ZBTB5: variants seen among roughly 807,000 people sequenced by gnomAD.
ZBTB5 encodes zinc finger and BTB domain containing 5.
Under a neutral mutation model 37.9 loss-of-function variants are expected in ZBTB5, and 15 were observed. The ratio of observed to expected loss-of-function variants is 0.40; its 90% confidence interval spans 0.26 to 0.61. The LOEUF (loss-of-function observed/expected upper bound fraction) is 0.61. ZBTB5 is among the 20% of genes least tolerant of loss of function. ZBTB5 has a pLI of 0.47. For synonymous variants in ZBTB5, 315 were observed against 312.4 expected (o/e 1.01, Z -0.09); for missense variants, 708 against 856.8 (o/e 0.83, Z 2.17).
At chr9:37,463,809 G>A (rs1017585877) in intron 1 of ZBTB5, among the ~76,000 whole-genome samples, 6 of 152,050 alleles carry the variant, frequency 3.9e-5, no homozygotes, top group African/African-American at 9.7e-5. Flanking sequence ...CAACTTTTAG[G>A]GAAAAGGGGC....
chr9:37,463,672 C>T (rs1363766054), intron 1 of ZBTB5, among the ~76,000 whole-genome samples: 2 of 152,182 alleles, frequency 1.3e-5, no homozygotes, highest in African/African-American at 4.8e-5. Context: ...TGAGAGCGTT[C>T]GCTCCTAAGT....
chr9:37,448,579 G>A (rs1291319520), intron 1 of ZBTB5, among the ~76,000 whole-genome samples: 2 of 152,122 alleles, frequency 1.3e-5, no homozygotes, highest in Admixed American at 6.5e-5. Flanking sequence ...CCAAACAACA[G>A]AAGGCCAGAT....
chr9:37,447,872 G>A (rs891878359), intron 1 of ZBTB5, among the ~76,000 whole-genome samples: 3 of 151,474 alleles, frequency 2.0e-5, no homozygotes, highest in African/African-American at 4.9e-5. Context: ...TAAAAATTAC[G>A]GGGCTGGGCA....
In ZBTB5 at chr9:37,464,617, G is replaced by A. The variant is rs77120479; in HGVS notation, c.-5+598C>T. 2.0e-5 allele frequency among the ~76,000 whole-genome samples: 3 copies of A among 152,190 alleles called. No homozygotes were observed. The East Asian group carries it at 5.8e-4, about 29-fold the overall frequency. On this transcript the variant is annotated intron_variant, in intron 1 of 1. Transcript: ENST00000307750. ...TCCTCCAAACAGGAGAAGATGGGAC[G>A]GCAGTGTCTTACCACCGCATCCCCC...
rs1823861212 is a variant in ZBTB5, at chr9:37,441,026, G to A, written c.1526C>T (p.Ser509Phe). The A allele has an allele frequency of 3.1e-6, 5 of 1,614,060 alleles. No homozygotes were observed. The highest frequency in any genetic ancestry group is 3.4e-6 in the Non-Finnish European group (4 of 1,180,032). Reference sequence around the variant, plus strand: ...GAAGGAGGAGTGGAGGCCCAAACCAGACCTGGAAAAGTCCATCCCAAACTG... The same window carrying A: ...GAAGGAGGAGTGGAGGCCCAAACCAAACCTGGAAAAGTCCATCCCAAACTG... ...GEQFGMDFSRSGLGLHSSFSR... is the reference protein window; with the variant it reads ...GEQFGMDFSRFGLGLHSSFSR... The change falls in exon 2 of 2, where the codon TCT (serine) becomes TTT (phenylalanine). Residue 509 changes from serine (S) to phenylalanine (F), a missense_variant. By Grantham distance (155) the Ser-to-Phe change is radical (BLOSUM62 -2). Around this residue, in one of 3 missense-constraint regions of ZBTB5, gnomAD observed 639 missense variants for 690.5 expected, o/e 0.93. Transcript: ENST00000307750.
At chr9:37,449,160 G>C (rs191862220) in intron 1 of ZBTB5, among the ~76,000 whole-genome samples, 1 of 152,292 alleles carries the variant, frequency 6.6e-6, no homozygotes, top group African/African-American at 2.4e-5. Flanking sequence ...CTAGGTGGGA[G>C]GATCAGTTGA....
At chr9:37,461,439 G>A (rs57623657) in intron 1 of ZBTB5, among the ~76,000 whole-genome samples, 3,316 of 152,204 alleles carry the variant, frequency 0.022, 120 homozygotes, top group African/African-American at 0.073. Flanking sequence ...TAAGAAAATG[G>A]CAATCAGCCA....
intron 1 of ZBTB5, among the ~76,000 whole-genome samples, chr9:37,448,397 A>G (rs1824034059): frequency 6.6e-6 from 1 of 152,230 alleles, no homozygotes; most frequent in African/African-American, 2.4e-5. Flanking sequence ...CAGACTATCC[A>G]AATGTGAAGG....
At position 37,451,295 on chromosome 9, in the gene ZBTB5, G is replaced by A. The variant is rs147838367; in HGVS notation, c.-4-8740C>T. On this transcript the variant is annotated intron_variant, in intron 1 of 1. Coordinates refer to ENST00000307750, the MANE Select transcript of ZBTB5 (RefSeq NM_014872.3). The stretch of plus-strand genomic sequence containing the variant: ...TAAATGATGTTCACTGGCTAGGCAC[G>A]GTGGCTCACGACTACAATCCCAGCA... Among the ~76,000 whole-genome samples, 732 of 152,262 alleles carry A rather than the reference G, an allele frequency of 4.8e-3. 5 individuals are homozygous for A. Among genetic ancestry groups the A allele is most frequent in the African/African-American group, 0.016 (680 of 41,548 alleles).
rs1457017367 is a variant in ZBTB5 at position 37,441,296 on chromosome 9, T to C, written c.1256A>G (p.Asn419Ser). ...ISNFLNKSRGNNFTANQNNDD... is the reference protein window; with the variant it reads ...ISNFLNKSRGSNFTANQNNDD... ...ATTGTTCTGATTTGCAGTAAAGTTATTTCCTCTGCTCTTGTTAAGAAAATT... is the reference window on the plus strand; with the variant it reads ...ATTGTTCTGATTTGCAGTAAAGTTACTTCCTCTGCTCTTGTTAAGAAAATT... Residue 419 changes from asparagine (N) to serine (S), a missense_variant, in exon 2 of 2, where the codon AAT (asparagine) becomes AGT (serine). Around this residue, in one of 3 missense-constraint regions of ZBTB5, gnomAD observed 639 missense variants for 690.5 expected, o/e 0.93. Transcript: ENST00000307750. 7.4e-6 allele frequency: 12 copies of C among 1,614,070 alleles called. No individual in the cohort carries two copies. Among genetic ancestry groups the C allele is most frequent in the African/African-American group, 1.3e-5 (1 of 74,926 alleles).
At position 37,440,109 on chromosome 9, in the gene ZBTB5, T is replaced by G. The variant is rs983690346; in HGVS notation, c.*409A>C. ...GCACCAAATCACCACTGGTTACACA[T>G]AAGTGCATTTTGCATCACTATACAG... is the stretch of plus-strand genomic sequence containing the variant. On this transcript the variant is annotated 3_prime_UTR_variant, in exon 2 of 2. Transcript: ENST00000307750. The G allele has an allele frequency of 2.7e-5, 5 of 187,416 alleles. No individual in the cohort carries two copies. Among genetic ancestry groups the G allele is most frequent in the Non-Finnish European group, 5.6e-5 (5 of 88,986 alleles). The allele number at this position is 187,416 out of a possible 1,614,324, so 11.6% of individuals were successfully genotyped here.
intron 1 of ZBTB5, among the ~76,000 whole-genome samples, chr9:37,460,377 A>G (rs1824268476): frequency 6.6e-6 from 1 of 151,912 alleles, no homozygotes; most frequent in African/African-American, 2.4e-5. Context: ...TGGAGGTTGC[A>G]GTGAGCCAAG....
intron 1 of ZBTB5, among the ~76,000 whole-genome samples, chr9:37,464,339 A>C (rs1378872243): frequency 6.6e-6 from 1 of 152,244 alleles, no homozygotes; most frequent in Non-Finnish European, 1.5e-5. Flanking sequence ...GAAGGTGAAG[A>C]GTTCCTTCTA....
chr9:37,451,846 G>T (rs1341469260), intron 1 of ZBTB5, among the ~76,000 whole-genome samples: 1 of 152,136 alleles, frequency 6.6e-6, no homozygotes, highest in African/African-American at 2.4e-5. Context: ...CCTGGGTGGG[G>T]AATACAGAAC....
At chr9:37,447,216 G>C (rs1824006188) in intron 1 of ZBTB5, among the ~76,000 whole-genome samples, 1 of 152,246 alleles carries the variant, frequency 6.6e-6, no homozygotes, top group African/African-American at 2.4e-5. Context: ...TGGCAGAAGA[G>C]TGTGAGTGTG....
In ZBTB5 at chr9:37,441,444, G is replaced by A. The variant is rs1823873416; in HGVS notation, c.1108C>T (p.Leu370Phe). 2 of 1,613,526 alleles carry A rather than the reference G, an allele frequency of 1.2e-6. No homozygotes were observed. Among genetic ancestry groups the A allele is most frequent in the Admixed American group, 1.7e-5 (1 of 59,932 alleles). Residue 370 changes from leucine to phenylalanine, a missense_variant, in exon 2 of 2, where the codon CTC becomes TTC. Around this residue, in one of 3 missense-constraint regions of ZBTB5, gnomAD observed 639 missense variants for 690.5 expected, o/e 0.93. Coordinates refer to ENST00000307750, the MANE Select transcript of ZBTB5 (RefSeq NM_014872.3). Reference sequence around the variant, plus strand: ...CTCCGATCACTGCTTTCAGGGCTGAGGTCTATCTTCTCGGCACTGACCACA... The same window carrying A: ...CTCCGATCACTGCTTTCAGGGCTGAAGTCTATCTTCTCGGCACTGACCACA... ...GVVVSAEKIDLSPESSDRSFS... is the reference protein window; with the variant it reads ...GVVVSAEKIDFSPESSDRSFS...
intron 1 of ZBTB5, among the ~76,000 whole-genome samples, chr9:37,457,799 A>T (rs1293932119): frequency 6.6e-6 from 1 of 152,226 alleles, no homozygotes; most frequent in African/African-American, 2.4e-5. Context: ...AGACAGAGGT[A>T]AAGGTGGAGA....
In ZBTB5 at chr9:37,441,801, C is replaced by G; in HGVS notation, c.751G>C (p.Asp251His). Residue 251 changes from aspartate to histidine, a missense_variant, in exon 2 of 2, where the codon GAT becomes CAT. Physicochemically the swap from Asp to His is moderately conservative, Grantham distance 81 (BLOSUM62 -1). Transcript: ENST00000307750. The part of the protein sequence containing the change: ...VDNPKADGMT[D>H]NQEDSAIMFD... ...ATGATCGCACTATCTTCCTGGTTAT[C>G]AGTCATTCCATCAGCTTTAGGATTA... is the stretch of plus-strand genomic sequence containing the variant. 2 of 1,614,140 alleles carry G rather than the reference C, an allele frequency of 1.2e-6. No homozygotes were observed. Among genetic ancestry groups the G allele is most frequent in the Admixed American group, 1.7e-5 (1 of 60,022 alleles).
rs143170581 is a variant in ZBTB5, at chr9:37,447,505, C to T, written c.-4-4950G>A. 4.8e-3 allele frequency among the ~76,000 whole-genome samples: 732 copies of T among 152,136 alleles called. 5 individuals are homozygous for T. Among genetic ancestry groups the T allele is most frequent in the African/African-American group, 0.017 (685 of 41,484 alleles). On this transcript the variant is annotated intron_variant, in intron 1 of 1. Transcript: ENST00000307750. ...TTGAGACAGGGTTTCACCCTGTTGC[C>T]CAGGCTAGAGTACAGTGGCATGATC... is the stretch of plus-strand genomic sequence containing the variant.
Sources: gnomAD v4.1 joint callset for allele counts (sites outside exome capture counted in the v4.1 genomes callset) on GRCh38, gnomAD v4.1.1 for gene constraint, gnomAD v4.1.1 regional missense constraint, MANE v1.5 for transcripts, NCBI Gene and HGNC (gene_info 2026-07-23, HGNC 2026-07-21) for gene names.